ERMP1: variants seen among roughly 807,000 people sequenced by gnomAD.
ERMP1 encodes the protein Felix-ina.
A neutral mutation model predicts 92.0 loss-of-function variants in ERMP1; 86 were observed. The observed-to-expected ratio is 0.93, with a 90% CI of 0.79 to 1.12. The LOEUF is 1.12. Among genes scored for constraint, ERMP1 ranks in the 50% most tolerant of loss-of-function variants. The pLI is 0.00. For synonymous variants in ERMP1, 530 were observed against 412.8 expected, an observed-to-expected ratio of 1.28 and a Z score of -3.44; for missense variants, 1,342 against 1,116.3, an observed-to-expected ratio of 1.20 and a Z score of -2.88.
Position 5,810,169 on chromosome 9 carries a change from T to C in ERMP1, c.1390A>G (p.Ser464Gly). The C allele has an allele frequency of 6.2e-7, 1 of 1,614,116 alleles. No individual in the cohort carries two copies. The highest frequency in any genetic ancestry group is 8.5e-7 in the Non-Finnish European group (1 of 1,180,004). ...GCTATAATGAGAACGGTAACAAGGC[T>C]AGTGAACCAGCTGATCAAAGTGATG... Reference protein sequence around the residue: ...LGITLISWFTSLVTVLIIAVF... With the variant: ...LGITLISWFTGLVTVLIIAVF... The change falls in exon 8 of 15, where the codon AGC (serine) becomes GGC (glycine). Residue 464 changes from serine (S) to glycine (G), a missense_variant. Coordinates refer to ENST00000339450, the MANE Select transcript of ERMP1 (RefSeq NM_024896.3).
intron 6 of ERMP1, among the ~76,000 whole-genome samples, chr9:5,846,355 C>T (rs974634234): frequency 1.7e-4 from 26 of 152,288 alleles, no homozygotes; most frequent in African/African-American, 6.0e-4. Context: ...AGCTCTGCTA[C>T]TAATTTGCTG....
chr9:5,805,380 T>C (rs1828831991), intron 9 of ERMP1, among the ~76,000 whole-genome samples, 163 bp from the exon 10 acceptor site: 1 of 152,100 alleles, frequency 6.6e-6, no homozygotes, highest in African/African-American at 2.4e-5. Context: ...TCACTCAGGA[T>C]AAAATACAAA....
Position 5,851,329 on chromosome 9 carries a change from T to C in ERMP1, n.3199+8139A>G, listed in dbSNP as rs150068236. Among the ~76,000 whole-genome samples the C allele has an allele frequency of 5.8e-3, 880 of 152,340 alleles. 34 individuals carry two copies. Among genetic ancestry groups the C allele is most frequent in the Admixed American group, 0.051 (783 of 15,298 alleles). On this transcript the variant is annotated intron_variant and non_coding_transcript_variant, in intron 6 of 6. Coordinates refer to the ERMP1 transcript ENST00000690753. ...TCTTTCATTTGTTTCTGTTTACCTATTTTTTACAGAGAAATGTCCTTTTTT... is the reference window on the plus strand; with the variant it reads ...TCTTTCATTTGTTTCTGTTTACCTACTTTTTACAGAGAAATGTCCTTTTTT...
intron 6 of ERMP1, among the ~76,000 whole-genome samples, chr9:5,847,686 G>C (rs2129748959): frequency 6.6e-6 from 1 of 152,200 alleles, no homozygotes; most frequent in East Asian, 1.9e-4. Flanking sequence ...ATGAGGTCAA[G>C]AGATCGAGAC....
chr9:5,829,491 T>C (rs867817973), intron 2 of ERMP1, among the ~76,000 whole-genome samples: 1 of 152,206 alleles, frequency 6.6e-6, no homozygotes, highest in South Asian at 2.1e-4. Context: ...ACATAAGAGT[T>C]AATAAAAACT....
At chr9:5,855,139 T>G (rs1240575765) in intron 6 of ERMP1, among the ~76,000 whole-genome samples, 1 of 152,156 alleles carries the variant, frequency 6.6e-6, no homozygotes, top group Non-Finnish European at 1.5e-5. Flanking sequence ...TTTAATAACT[T>G]AAATGTAATA....
chr9:5,840,629 G>A (rs974573480), intron 6 of ERMP1, among the ~76,000 whole-genome samples: 3 of 152,214 alleles, frequency 2.0e-5, no homozygotes, highest in Non-Finnish European at 2.9e-5. Context: ...TCAGAGCATG[G>A]GTGCTGCGCT....
chr9:5,855,831 A>T (rs571262480), intron 6 of ERMP1: 2 of 178,718 alleles, frequency 1.1e-5, no homozygotes, highest in Admixed American at 6.4e-5. Flanking sequence ...AAATATGTAG[A>T]CTTAGGGCCA....
chr9:5,797,074 T>C (rs1828456888), intron 13 of ERMP1, among the ~76,000 whole-genome samples: 1 of 152,066 alleles, frequency 6.6e-6, no homozygotes, highest in Non-Finnish European at 1.5e-5. Flanking sequence ...AGGGTCTTGC[T>C]CTGTCACCCA....
chr9:5,844,580 GAGA>G (rs1040692788), intron 6 of ERMP1, among the ~76,000 whole-genome samples: 2 of 152,280 alleles, frequency 1.3e-5, no homozygotes, highest in African/African-American at 2.4e-5. Context: ...GGCCCTAGCA[GAGA>G]AGATTACAGT....
intron 13 of ERMP1, among the ~76,000 whole-genome samples, chr9:5,795,006 T>A (rs1042085352): frequency 1.3e-5 from 2 of 152,126 alleles, no homozygotes; most frequent in South Asian, 4.1e-4. Context: ...TAACAAAATA[T>A]TAGTAAATCA....
rs1554630171 is a variant in ERMP1, at chr9:5,861,170, G to GTGT, written n.3056-1560_3056-1559insACA. ...GCAGTGAACCCACAATGGCTTAGGG[G>GTGT]GTGTGTGTGTGTGTGTGTGTGTGTG... is the stretch of plus-strand genomic sequence containing the variant. On this transcript the variant is annotated intron_variant and non_coding_transcript_variant, in intron 5 of 6. Transcript: ENST00000690753. Among the ~76,000 whole-genome samples the GTGT allele has an allele frequency of 7.6e-3, 777 of 102,132 alleles. 11 individuals carry two copies. The highest frequency in any genetic ancestry group is 0.014 in the African/African-American group (396 of 28,236). The allele number at this position is 102,132 out of a possible 152,430, so 67.0% of individuals were successfully genotyped here.
At chr9:5,790,272 C>T (rs558431782) in intron 13 of ERMP1, among the ~76,000 whole-genome samples, 70 of 150,266 alleles carry the variant, frequency 4.7e-4, no homozygotes, top group African/African-American at 1.5e-3. Context: ...CTCTGCCTCC[C>T]GGGTTCAAGT....
chr9:5,787,724 G>A (rs1828003446), intron 13 of ERMP1, 131 bp from the exon 14 acceptor site: 1 of 847,206 alleles, frequency 1.2e-6, no homozygotes, highest in Non-Finnish European at 1.8e-6. Context: ...AAACCTAATG[G>A]AGGTTTACCA....
chr9:5,802,736 G>T lies in ERMP1; in HGVS notation c.1915-1408C>A, dbSNP rs79451613. Among the ~76,000 whole-genome samples, 1,037 of 152,284 alleles carry T rather than the reference G, an allele frequency of 6.8e-3. 15 individuals are homozygous for T. The highest frequency in any genetic ancestry group is 0.023 in the African/African-American group (946 of 41,546). ...AGTTATTCTCTGCTGGACCTTCATG[G>T]TTATACGTATACTGATTGAATGACA... is the stretch of plus-strand genomic sequence containing the variant. On this transcript the variant is annotated intron_variant, in intron 10 of 14. Coordinates refer to ENST00000339450, the MANE Select transcript of ERMP1 (RefSeq NM_024896.3).
chr9:5,856,078 G>T, intron 6 of ERMP1: 1 of 376,384 alleles, frequency 2.7e-6, no homozygotes, highest in South Asian at 2.5e-5. Context: ...AACGTCGGCT[G>T]AGACAATCTT....
chr9:5,832,569 G>A (rs905506564), intron 1 of ERMP1, 121 bp downstream of exon 1: 2 of 759,406 alleles, frequency 2.6e-6, no homozygotes, highest in Admixed American at 4.3e-5. Flanking sequence ...GTGCAGCCTG[G>A]GAGGGGTCAG....
rs552409714 is a variant in ERMP1, at chr9:5,784,576, T to A, written c.*2568A>T. ...AGTTAAAAAGATACCAACCAGTATATTAAACAGTTTATTTCAGTAACATTG... is the reference window on the plus strand; with the variant it reads ...AGTTAAAAAGATACCAACCAGTATAATAAACAGTTTATTTCAGTAACATTG... On this transcript the variant is annotated 3_prime_UTR_variant, in exon 15 of 15. Transcript: ENST00000339450. The A allele has an allele frequency of 6.6e-6, 1 of 152,606 alleles. No homozygotes were observed. Among genetic ancestry groups the A allele is most frequent in the Non-Finnish European group, 1.5e-5 (1 of 68,036 alleles). 9.5% of individuals were successfully genotyped at this position (152,606 alleles called of 1,614,324 possible).
intron 10 of ERMP1, among the ~76,000 whole-genome samples, chr9:5,801,798 A>T (rs1238001500): frequency 6.6e-6 from 1 of 152,188 alleles, no homozygotes; most frequent in Non-Finnish European, 1.5e-5. Flanking sequence ...TACCTTCAAG[A>T]CTCTGCCAGT....
Sources: gnomAD v4.1 joint callset for allele counts (sites outside exome capture counted in the v4.1 genomes callset) on GRCh38, gnomAD v4.1.1 for gene constraint, MANE v1.5 for transcripts, NCBI Gene and HGNC (gene_info 2026-07-23, HGNC 2026-07-21) for gene names.